Variants in ABCG1 observed in about 807,000 individuals in gnomAD.
ABCG1 encodes ATP-binding cassette sub-family G member 1.
A neutral mutation model predicts 69.2 loss-of-function variants in ABCG1; 29 were observed. The observed-to-expected ratio is 0.42, with a 90% CI of 0.31 to 0.57. The LOEUF is 0.57. Ranked by LOEUF, ABCG1 falls within the 20% of genes least tolerant of loss-of-function variation. The probability of loss-of-function intolerance (pLI) is 0.15; values close to 1 mark genes in which losing one functional copy is unlikely to be tolerated. For missense variants in ABCG1, 718 were observed against 898.1 expected (o/e 0.80, Z 2.56); for synonymous variants, 370 against 374.8 (o/e 0.99, Z 0.15).
chr21:42,242,321 T>C (rs544586201), intron 2 of ABCG1, among the ~76,000 whole-genome samples: 10 of 152,304 alleles, frequency 6.6e-5, no homozygotes, highest in African/African-American at 2.4e-4. Flanking sequence ...CTCAGCAACA[T>C]AGCGAGACGC....
At chr21:42,293,598 C>T (rs1247204538) in intron 13 of ABCG1, among the ~76,000 whole-genome samples, 1 of 137,890 alleles carries the variant, frequency 7.3e-6, no homozygotes. Flanking sequence ...TACCACACTA[C>T]ACAGTACACA....
chr21:42,201,397 G>A (rs2067505069), intron 1 of ABCG1, among the ~76,000 whole-genome samples: 1 of 152,116 alleles, frequency 6.6e-6, no homozygotes, highest in East Asian at 1.9e-4. Flanking sequence ...AGGAGGGAGA[G>A]CTCAAGCCAT....
At chr21:42,278,528 G>A (rs1327767757) in intron 5 of ABCG1, among the ~76,000 whole-genome samples, 3 of 152,204 alleles carry the variant, frequency 2.0e-5, no homozygotes, top group Non-Finnish European at 2.9e-5. Context: ...GAGGAGAGGA[G>A]GACCCAGACA....
chr21:42,210,581 CA>C (rs2067578941), intron 2 of ABCG1, among the ~76,000 whole-genome samples: 1 of 152,190 alleles, frequency 6.6e-6, no homozygotes, highest in Non-Finnish European at 1.5e-5. Flanking sequence ...TGGAAGAAAA[CA>C]AAAGGAATTT....
chr21:42,215,691 T>G (rs938630536), upstream of ABCG1, among the ~76,000 whole-genome samples: 1 of 152,116 alleles, frequency 6.6e-6, no homozygotes, highest in Non-Finnish European at 1.5e-5. Context: ...GGGCGTCTTC[T>G]AGGAAGCCAC....
rs984359175 is a variant in ABCG1, at chr21:42,288,723, G to C, written c.1224+411G>C. ...ACTCCCATCTGAAAAAGAAAGAAAG[G>C]AAAGAAAGGAAGGGAAAGGGAAAGG... On this transcript the variant is annotated intron_variant, in intron 10 of 14. Coordinates refer to ENST00000398449, the MANE Select transcript of ABCG1 (RefSeq NM_016818.3). This position sits in a 1 kb window ranked among gnomAD's most constrained non-coding sequence, Gnocchi z 4.8. Among the ~76,000 whole-genome samples, 8 of 151,370 alleles carry C rather than the reference G, an allele frequency of 5.3e-5. No homozygotes were observed. The highest frequency in any genetic ancestry group is 7.4e-5 in the Non-Finnish European group (5 of 67,890).
At chr21:42,209,105 CA>C (rs1183994947) in intron 2 of ABCG1, among the ~76,000 whole-genome samples, 4 of 152,160 alleles carry the variant, frequency 2.6e-5, no homozygotes, top group African/African-American at 9.7e-5. Context: ...CTCAGGTGAT[CA>C]GGGGGCTGAG....
At position 42,291,070 on chromosome 21, in the gene ABCG1, T is replaced by C. The variant is rs766549949; in HGVS notation, c.1394-22T>C. The C allele has an allele frequency of 2.1e-5, 33 of 1,591,818 alleles. No individual in the cohort carries two copies. In the East Asian group the frequency reaches 6.9e-4, roughly 33 times the overall value. On this transcript the variant is annotated intron_variant, in intron 11 of 14. Transcript: ENST00000398449. This position sits in a 1 kb window ranked among gnomAD's most constrained non-coding sequence, Gnocchi z 6.4. The stretch of plus-strand genomic sequence containing the variant: ...GCTGCACATGGTCACTGACCCTTCT[T>C]TTTTGCTTTTCTATCTCCTAGTTCC...
chr21:42,206,627 T>A (rs1181790238), intron 2 of ABCG1, among the ~76,000 whole-genome samples: 2 of 152,180 alleles, frequency 1.3e-5, no homozygotes, highest in Admixed American at 1.3e-4. Flanking sequence ...TGGATAATTT[T>A]AAAATTTTTT....
At chr21:42,214,679 C>T (rs1433169795), upstream of ABCG1, among the ~76,000 whole-genome samples, 1 of 152,256 alleles carries the variant, frequency 6.6e-6, no homozygotes, top group Non-Finnish European at 1.5e-5. Context: ...AGCCCTCTTT[C>T]CTACTTACAC....
At chr21:42,283,213 G>GT (rs1396224869) in intron 6 of ABCG1, among the ~76,000 whole-genome samples, 5 of 152,068 alleles carry the variant, frequency 3.3e-5, no homozygotes, top group African/African-American at 9.7e-5. Context: ...AGCCTTCTGA[G>GT]GGGGGGATGG....
At chr21:42,272,068 T>C (rs2068627567) in intron 3 of ABCG1, among the ~76,000 whole-genome samples, 1 of 152,218 alleles carries the variant, frequency 6.6e-6, no homozygotes, top group Admixed American at 6.5e-5. Context: ...CTTTGGCAAA[T>C]AGTAATAATA....
chr21:42,267,583 T>G (rs1234762809), intron 2 of ABCG1, among the ~76,000 whole-genome samples: 1,145 of 63,402 alleles, frequency 0.018, no homozygotes, highest in Middle Eastern at 0.067. Context: ...TCTGGGTTCT[T>G]TCTGGGTCTG....
chr21:42,287,421 CCACTCATGTGGCGAT>C lies in ABCG1; in HGVS notation c.974-467_974-453del, dbSNP rs2146333182. 6.6e-6 allele frequency among the ~76,000 whole-genome samples: 1 copy of C among 152,276 alleles called. No individual in the cohort carries two copies. Among genetic ancestry groups the C allele is most frequent in the South Asian group, 2.1e-4 (1 of 4,828 alleles). ...GACCTCCAAGTCCCCAGGGTGCCAG[CCACTCATGTGGCGAT>C]GGGCACGTCCTTCTCTGCCATCTTG... On this transcript the variant is annotated intron_variant, in intron 8 of 14. Transcript: ENST00000398449. This position sits in a 1 kb window ranked among gnomAD's most constrained non-coding sequence, Gnocchi z 6.2.
At chr21:42,209,362 C>T (rs1383253847) in intron 2 of ABCG1, among the ~76,000 whole-genome samples, 1 of 152,234 alleles carries the variant, frequency 6.6e-6, no homozygotes, top group Admixed American at 6.5e-5. Context: ...CACATTACAA[C>T]ATTTTCTAAA....
Position 42,273,516 on chromosome 21 carries a change from G to GA in ABCG1, c.537+81_537+82insA. 6.7e-7 allele frequency: 1 copy of GA among 1,501,432 alleles called. No homozygotes were observed. Among genetic ancestry groups the GA allele is most frequent in the South Asian group, 1.3e-5 (1 of 78,564 alleles). 93.0% of individuals were successfully genotyped at this position (1,501,432 alleles called of 1,614,324 possible). On this transcript the variant is annotated intron_variant, in intron 4 of 14. Coordinates refer to ENST00000398449, the MANE Select transcript of ABCG1 (RefSeq NM_016818.3). The surrounding 1 kb of genome is among the most constrained non-coding windows in gnomAD (Gnocchi z 5.3). ...ACATTAGACACAGCACTGGCCGAGT[G>GA]CCCAGCTGCGAGGGACCCAAGGGCT...
chr21:42,291,736 G>T lies in ABCG1; in HGVS notation c.1653+80G>T. The stretch of plus-strand genomic sequence containing the variant: ...ACCTTGGCCTGAGCTAGGGGGCTCT[G>T]CCACCCCTTCCCCTACTTCTGCCCT... On this transcript the variant is annotated intron_variant, in intron 13 of 14. Coordinates refer to ENST00000398449, the MANE Select transcript of ABCG1 (RefSeq NM_016818.3). The surrounding 1 kb of genome is among the most constrained non-coding windows in gnomAD (Gnocchi z 6.4). 6.9e-7 allele frequency: 1 copy of T among 1,441,478 alleles called. No homozygotes were observed. The highest frequency in any genetic ancestry group is 1.4e-5 in the South Asian group (1 of 72,620). 89.3% of individuals were successfully genotyped at this position (1,441,478 alleles called of 1,614,324 possible).
At position 42,243,814 on chromosome 21, in the gene ABCG1, CTT is replaced by C. The variant is rs11402831; in HGVS notation, c.286+17921_286+17922del. 2.8e-3 allele frequency among the ~76,000 whole-genome samples: 260 copies of C among 94,192 alleles called. 2 individuals are homozygous for C. The South Asian group carries it at 0.056, about 20-fold the overall frequency. 61.8% of individuals were successfully genotyped at this position (94,192 alleles called of 152,430 possible). ...TTCTGTAAGCCCTCTTTATCTTTGG[CTT>C]TTTTTTTTTTTTTTTTTTTTGAGAC... On this transcript the variant is annotated intron_variant, in intron 2 of 14. Transcript: ENST00000398449.
At chr21:42,205,558 A>C (rs755652827) in intron 2 of ABCG1, among the ~76,000 whole-genome samples, 1 of 151,520 alleles carries the variant, frequency 6.6e-6, no homozygotes, top group Admixed American at 6.6e-5. Context: ...AGATCATGAC[A>C]CTGCGCTCCA....
Sources: gnomAD v4.1 joint callset for allele counts (sites outside exome capture counted in the v4.1 genomes callset) on GRCh38, gnomAD v4.1.1 for gene constraint, Gnocchi (gnomAD v3.1) non-coding constraint, MANE v1.5 for transcripts, NCBI Gene and HGNC (gene_info 2026-07-23, HGNC 2026-07-21) for gene names.